Variants in ZFYVE9 observed in about 807,000 individuals in gnomAD.
The protein encoded by ZFYVE9 is zinc finger FYVE-type containing 9.
Under a neutral mutation model 126.7 loss-of-function variants are expected in ZFYVE9, and 43 were observed. The ratio of observed to expected loss-of-function variants is 0.34; its 90% CI spans 0.27 to 0.44. ZFYVE9 has a LOEUF of 0.44. ZFYVE9 is among the 20% of genes least tolerant of loss of function. The probability of loss-of-function intolerance (pLI) is 1.00; values close to 1 mark genes in which losing one functional copy is unlikely to be tolerated. For synonymous variants in ZFYVE9, 521 were observed against 597.4 expected, an observed-to-expected ratio of 0.87 and a Z score of 1.87; for missense variants, 1,476 against 1,697.0, an observed-to-expected ratio of 0.87 and a Z score of 2.29.
chr1:52,331,971 G>A (rs938783297), intron 13 of ZFYVE9, among the ~76,000 whole-genome samples: 1 of 151,364 alleles, frequency 6.6e-6, no homozygotes, highest in Non-Finnish European at 1.5e-5. Flanking sequence ...TAGTAGAGAC[G>A]GGGTTTCACC....
At chr1:52,258,895 C>CT (rs201084427) in intron 4 of ZFYVE9, among the ~76,000 whole-genome samples, 1,904 of 142,020 alleles carry the variant, frequency 0.013, 35 homozygotes, top group South Asian at 0.046. Context: ...CCCTTGCTTG[C>CT]TTTTTTTTTT....
At chr1:52,204,662 G>A (rs1644956473) in intron 1 of ZFYVE9, among the ~76,000 whole-genome samples, 1 of 152,162 alleles carries the variant, frequency 6.6e-6, no homozygotes, top group African/African-American at 2.4e-5. Flanking sequence ...AGGAGGTGAA[G>A]GTTGCAGTGA....
chr1:52,159,470 A>T (rs950332480), intron 1 of ZFYVE9, among the ~76,000 whole-genome samples: 1 of 152,210 alleles, frequency 6.6e-6, no homozygotes, highest in Admixed American at 6.5e-5. Flanking sequence ...TCAGAGTGCG[A>T]TGCAGGTCTG....
intron 1 of ZFYVE9, chr1:52,179,778 T>G: frequency 2.1e-6 from 1 of 473,356 alleles, no homozygotes; most frequent in Non-Finnish European, 3.9e-6. Context: ...TTCCTGTGGA[T>G]AGGCTAAATA....
At chr1:52,304,201 A>G (rs973204609) in intron 13 of ZFYVE9, among the ~76,000 whole-genome samples, 16 of 152,198 alleles carry the variant, frequency 1.1e-4, no homozygotes, top group African/African-American at 3.9e-4. Flanking sequence ...TTAGCCTTGT[A>G]TCTGTAATAT....
At chr1:52,201,086 T>G (rs1644918683) in intron 1 of ZFYVE9, among the ~76,000 whole-genome samples, 1 of 152,206 alleles carries the variant, frequency 6.6e-6, no homozygotes, top group Non-Finnish European at 1.5e-5. Flanking sequence ...AAATGACATC[T>G]TGACAATATT....
chr1:52,340,904 CAAAAAAAAAAAAAAAAA>C (rs10608842), intron 17 of ZFYVE9, among the ~76,000 whole-genome samples: 7 of 100,700 alleles, frequency 7.0e-5, no homozygotes, highest in Non-Finnish European at 1.0e-4. Context: ...GACTCCGTCT[CAAAAAAAAAAAAAAAAA>C]AAAAAAAAAA....
At position 52,263,849 on chromosome 1, in the gene ZFYVE9, T is replaced by G. The variant is rs1298482291; in HGVS notation, c.2255T>G (p.Ile752Ser). The G allele has an allele frequency of 6.3e-7, 1 of 1,583,786 alleles. No homozygotes were observed. The highest frequency in any genetic ancestry group is 2.3e-5 in the East Asian group (1 of 43,804). The change falls in exon 5 of 19, where the codon ATC (isoleucine) becomes AGC (serine). Residue 752 changes from isoleucine to serine, a missense_variant. By Grantham distance (142) the Ile-to-Ser change is moderately radical. Coordinates refer to ENST00000287727, the MANE Select transcript of ZFYVE9 (RefSeq NM_004799.4). ...MDRKEARVCV[I>S]CHSVLMNAQA... ...AGAAAGGAAGCTAGAGTGTGTGTAA[T>G]CTGCCATTCAGTGCTAATGAATGGT...
At chr1:52,326,498 TTAAG>T (rs1646292952) in intron 13 of ZFYVE9, among the ~76,000 whole-genome samples, 1 of 142,010 alleles carries the variant, frequency 7.0e-6, no homozygotes, top group South Asian at 2.4e-4. Context: ...CACAGAGAGG[TTAAG>T]TAAGTTTACC....
chr1:52,334,934 G>T lies in ZFYVE9; in HGVS notation c.3670+166G>T, dbSNP rs1646375699. The stretch of plus-strand genomic sequence containing the variant: ...AGTGCTTAGTTCTCTGAAGAAAGGA[G>T]TAAGTGGTAGGGATACCATGTGACA... On this transcript the variant is annotated intron_variant, in intron 15 of 18. Transcript: ENST00000287727. 4 of 581,480 alleles carry T rather than the reference G, an allele frequency of 6.9e-6. No individual in the cohort carries two copies. In the South Asian group the frequency reaches 8.5e-5, roughly 12 times the overall value. 36.0% of individuals were successfully genotyped at this position (581,480 alleles called of 1,614,324 possible).
At chr1:52,338,379 C>G (rs1161555578) in intron 16 of ZFYVE9, among the ~76,000 whole-genome samples, 1 of 152,172 alleles carries the variant, frequency 6.6e-6, no homozygotes, top group African/African-American at 2.4e-5. Flanking sequence ...CCTTCTTGGG[C>G]TTCAAACTCT....
At chr1:52,220,535 G>T (rs1645114787) in intron 2 of ZFYVE9, among the ~76,000 whole-genome samples, 1 of 152,178 alleles carries the variant, frequency 6.6e-6, no homozygotes, top group South Asian at 2.1e-4. Flanking sequence ...TCCCGTGGGA[G>T]GCTGCTTCTT....
chr1:52,270,941 G>A (rs1006430655), intron 7 of ZFYVE9, among the ~76,000 whole-genome samples: 1 of 152,112 alleles, frequency 6.6e-6, no homozygotes, highest in African/African-American at 2.4e-5. Flanking sequence ...TGTAATCCCA[G>A]CACTTTGGAA....
In ZFYVE9 at chr1:52,233,230, A is replaced by C. The variant is rs1645241003; in HGVS notation, c.24A>C (p.Glu8Asp). 6.3e-7 allele frequency: 1 copy of C among 1,584,732 alleles called. No homozygotes were observed. Residue 8 changes from glutamate to aspartate, a missense_variant, in exon 3 of 19, where the codon GAA (glutamate) becomes GAC (aspartate). Coordinates refer to ENST00000287727, the MANE Select transcript of ZFYVE9 (RefSeq NM_004799.4). ...CGATGGAGAATTACTTCCAAGCAGA[A>C]GCTTACAACCTGGACAAGGTGTTAG... is the stretch of plus-strand genomic sequence containing the variant. Reference protein sequence around the residue: MENYFQAEAYNLDKVLDE... With the variant: MENYFQADAYNLDKVLDE...
chr1:52,274,682 C>T (rs944307139), intron 8 of ZFYVE9, 98 bp downstream of exon 8: 11 of 1,323,828 alleles, frequency 8.3e-6, no homozygotes, highest in Non-Finnish European at 1.1e-5. Context: ...ATTCACCTTT[C>T]TCTTATCCAA....
At position 52,322,438 on chromosome 1, in the gene ZFYVE9, C is replaced by T. The variant is rs192031549; in HGVS notation, c.3439-10330C>T. Among the ~76,000 whole-genome samples, 561 of 142,732 alleles carry T rather than the reference C, an allele frequency of 3.9e-3. 3 individuals are homozygous for T. The highest frequency in any genetic ancestry group is 0.014 in the African/African-American group (529 of 38,136). The allele number at this position is 142,732 out of a possible 152,430, so 93.6% of individuals were successfully genotyped here. A position where few individuals can be genotyped will look rare whatever the true frequency, so the allele number is the denominator to read the frequency against. On this transcript the variant is annotated intron_variant, in intron 13 of 18. Transcript: ENST00000287727. ...TGTGTCGCCCAGTGGAGTGCAATGG[C>T]GCGATCTCGGCTCACTGCAACTTCC...
chr1:52,260,748 C>T (rs1284784437), intron 4 of ZFYVE9, among the ~76,000 whole-genome samples: 4 of 151,946 alleles, frequency 2.6e-5, no homozygotes, highest in Admixed American at 6.6e-5. Flanking sequence ...ACCCTAGAGG[C>T]GGAGGTTGCA....
At chr1:52,326,558 T>C (rs186564989) in intron 13 of ZFYVE9, among the ~76,000 whole-genome samples, 6 of 152,086 alleles carry the variant, frequency 3.9e-5, no homozygotes, top group African/African-American at 1.4e-4. Context: ...TCAGATACTG[T>C]TGGTCGAAGG....
Position 52,332,901 on chromosome 1 carries a change from A to T in ZFYVE9, c.3572A>T (p.His1191Leu). Reference protein sequence around the residue: ...GNYQTQAISIHNQPRKVTGAS... With the variant: ...GNYQTQAISILNQPRKVTGAS... ...TATCAGACCCAGGCTATCAGTATTC[A>T]CAATCAGCCCAGAAAAGGTGAGCAT... Residue 1191 changes from histidine (H) to leucine (L), a missense_variant, in exon 14 of 19, where the codon CAC (histidine) becomes CTC (leucine). Around this residue, in one of 2 missense-constraint regions of ZFYVE9, gnomAD observed 669 missense variants for 902.4 expected, o/e 0.74. Transcript: ENST00000287727. The T allele has an allele frequency of 6.2e-7, 1 of 1,614,172 alleles. No homozygotes were observed. The highest frequency in any genetic ancestry group is 8.5e-7 in the Non-Finnish European group (1 of 1,180,020).
Sources: allele counts gnomAD v4.1 joint callset (sites outside exome capture counted in the v4.1 genomes callset), GRCh38; gene constraint gnomAD v4.1.1; regional missense constraint gnomAD v4.1.1; transcripts MANE v1.5; gene names NCBI Gene and HGNC (gene_info 2026-07-23, HGNC 2026-07-21).